GPR63: variants seen among roughly 807,000 people sequenced by gnomAD.
The protein encoded by GPR63 is G protein-coupled receptor 63, also known as probable G protein-coupled receptor 63.
A neutral mutation model predicts 23.1 loss-of-function variants in GPR63; 12 were observed. The observed-to-expected ratio is 0.52, with a 90% CI of 0.33 to 0.84. The LOEUF is 0.84. Among genes scored for constraint, GPR63 ranks in the 40% least tolerant of loss-of-function variants. GPR63 has a pLI of 0.02. For missense variants in GPR63, 472 were observed against 515.6 expected (o/e 0.92, Z 0.82); for synonymous variants, 172 against 191.1 (o/e 0.90, Z 0.82).
At position 96,837,312 on chromosome 6, in the gene GPR63, G is replaced by A. The variant is rs918909916; in HGVS notation, c.-195C>T. The A allele has an allele frequency of 6.6e-6, 1 of 152,462 alleles. No individual in the cohort carries two copies. The highest frequency in any genetic ancestry group is 2.4e-5 in the African/African-American group (1 of 41,466). The allele number at this position is 152,462 out of a possible 1,614,324, so 9.4% of individuals were successfully genotyped here. A position where few individuals can be genotyped will look rare whatever the true frequency, so the allele number is the denominator to read the frequency against. On this transcript the variant is annotated 5_prime_UTR_variant, in exon 1 of 2. Transcript: ENST00000229955. ...GCGGGCGCCCGCGGAAGAGCCCAGG[G>A]AGCATGGCTCCATGTAGTCCCTCCC... is the stretch of plus-strand genomic sequence containing the variant.
rs1489538686 is a variant in GPR63 at position 96,798,337 on chromosome 6, ATT to A, written c.*133_*134del. ...TCTTGGTAACAGAACTATAATTACC[ATT>A]CTTTCTTTACACTGCTCACACACAT... On this transcript the variant is annotated 3_prime_UTR_variant, in exon 2 of 2. Transcript: ENST00000229955. 2 of 810,528 alleles carry A rather than the reference ATT, an allele frequency of 2.5e-6. No individual in the cohort carries two copies. Among genetic ancestry groups the A allele is most frequent in the African/African-American group, 3.5e-5 (2 of 57,806 alleles). The allele number at this position is 810,528 out of a possible 1,614,324, so 50.2% of individuals were successfully genotyped here.
chr6:96,826,425 T>C (rs1774440233), intron 1 of GPR63, among the ~76,000 whole-genome samples: 2 of 152,162 alleles, frequency 1.3e-5, no homozygotes, highest in Admixed American at 6.5e-5. Flanking sequence ...AAATTTCTAA[T>C]TTATTAACAA....
chr6:96,817,107 C>G (rs775470878), intron 1 of GPR63, among the ~76,000 whole-genome samples: 8 of 151,938 alleles, frequency 5.3e-5, no homozygotes, highest in Non-Finnish European at 1.2e-4. Context: ...AAGGACTCAT[C>G]CTTTGAATAT....
chr6:96,819,352 A>G (rs1297517307), intron 1 of GPR63, among the ~76,000 whole-genome samples: 1 of 152,320 alleles, frequency 6.6e-6, no homozygotes, highest in East Asian at 1.9e-4. Flanking sequence ...AAAATGAATG[A>G]GTTTATGTCC....
At chr6:96,808,742 T>G (rs1428320173) in intron 1 of GPR63, among the ~76,000 whole-genome samples, 2 of 152,172 alleles carry the variant, frequency 1.3e-5, no homozygotes, top group Non-Finnish European at 2.9e-5. Flanking sequence ...TGAACTCCAG[T>G]CAACTAAACA....
chr6:96,807,343 A>G (rs1345691858), intron 1 of GPR63, among the ~76,000 whole-genome samples: 1 of 152,258 alleles, frequency 6.6e-6, no homozygotes, highest in Non-Finnish European at 1.5e-5. Flanking sequence ...TAGCCACTGG[A>G]TACTCACTGT....
At chr6:96,800,051 T>C (rs1189550014) in intron 1 of GPR63, among the ~76,000 whole-genome samples, 170 bp from the exon 2 acceptor site, 2 of 152,254 alleles carry the variant, frequency 1.3e-5, no homozygotes, top group African/African-American at 4.8e-5. Flanking sequence ...TGTTATTTTA[T>C]CTTTAGTCAA....
intron 1 of GPR63, among the ~76,000 whole-genome samples, chr6:96,835,710 G>C (rs6568628): frequency 0.36 from 54,750 of 151,856 alleles, 10,431 homozygotes; most frequent in African/African-American, 0.48. Context: ...TTCTTTTTTT[G>C]AGTTTCGGTA....
rs1434207626 is a variant in GPR63, at chr6:96,797,419, T to C, written c.*1053A>G. On this transcript the variant is annotated 3_prime_UTR_variant, in exon 2 of 2. Transcript: ENST00000229955. Reference sequence around the variant, plus strand: ...TGACATCTAAACTGAATGAACTGTCTGCGTGGCACAGTGGAACAGCGCAGT... The same window carrying C: ...TGACATCTAAACTGAATGAACTGTCCGCGTGGCACAGTGGAACAGCGCAGT... 1 of 152,222 alleles carries C rather than the reference T, an allele frequency of 6.6e-6. No homozygotes were observed. Among genetic ancestry groups the C allele is most frequent in the African/African-American group, 2.4e-5 (1 of 41,460 alleles). The allele number at this position is 152,222 out of a possible 1,614,324, so 9.4% of individuals were successfully genotyped here.
intron 1 of GPR63, among the ~76,000 whole-genome samples, chr6:96,831,863 G>A (rs1207971914): frequency 2.0e-5 from 3 of 151,598 alleles, no homozygotes; most frequent in South Asian, 2.1e-4. Flanking sequence ...CCGAGATCGC[G>A]CCACTGCATT....
Position 96,797,150 on chromosome 6 carries a change from G to C in GPR63, c.*1322C>G, listed in dbSNP as rs1179753300. 6.6e-6 allele frequency: 1 copy of C among 152,138 alleles called. No individual in the cohort carries two copies. The highest frequency in any genetic ancestry group is 1.9e-4 in the East Asian group (1 of 5,184). 9.4% of individuals were successfully genotyped at this position (152,138 alleles called of 1,614,324 possible). On this transcript the variant is annotated 3_prime_UTR_variant, in exon 2 of 2. Coordinates refer to ENST00000229955, the MANE Select transcript of GPR63 (RefSeq NM_030784.4). Reference sequence around the variant, plus strand: ...GGAGGCTGAGACAGGAGGATTACCTGAGCCTGGGAGGTTGAGGCTACAATG... The same window carrying C: ...GGAGGCTGAGACAGGAGGATTACCTCAGCCTGGGAGGTTGAGGCTACAATG...
intron 1 of GPR63, 76 bp from the exon 2 acceptor site, chr6:96,799,957 T>A: frequency 3.5e-6 from 2 of 569,002 alleles, no homozygotes; most frequent in South Asian, 4.3e-5. Flanking sequence ...AGGGCTGCCT[T>A]TCATCATGAA....
chr6:96,832,637 G>C (rs1774617282), intron 1 of GPR63, among the ~76,000 whole-genome samples: 1 of 151,974 alleles, frequency 6.6e-6, no homozygotes, highest in Non-Finnish European at 1.5e-5. Flanking sequence ...TATATCATGA[G>C]GGTGGAGGGT....
chr6:96,805,077 T>G (rs997998876), intron 1 of GPR63, among the ~76,000 whole-genome samples: 1 of 152,196 alleles, frequency 6.6e-6, no homozygotes, highest in Non-Finnish European at 1.5e-5. Context: ...TATAAATTTG[T>G]TGGCATTTAA....
chr6:96,819,893 G>C (rs58130938), intron 1 of GPR63, among the ~76,000 whole-genome samples: 3 of 148,792 alleles, frequency 2.0e-5, no homozygotes, highest in Non-Finnish European at 4.5e-5. Flanking sequence ...GGAGAATGGC[G>C]TCGACCCGGG....
intron 1 of GPR63, among the ~76,000 whole-genome samples, chr6:96,806,382 T>C (rs1582253001): frequency 6.6e-6 from 1 of 152,080 alleles, no homozygotes; most frequent in Non-Finnish European, 1.5e-5. Context: ...TGCACCTCAT[T>C]TGGGTATGTT....
intron 1 of GPR63, among the ~76,000 whole-genome samples, chr6:96,806,105 T>C (rs1043084157): frequency 2.6e-5 from 4 of 152,354 alleles, no homozygotes; most frequent in Non-Finnish European, 5.9e-5. Flanking sequence ...CACAGGGACC[T>C]TGGTTGTACT....
chr6:96,818,706 T>C (rs1315152378), intron 1 of GPR63, among the ~76,000 whole-genome samples: 1 of 152,148 alleles, frequency 6.6e-6, no homozygotes, highest in Non-Finnish European at 1.5e-5. Context: ...GAAGAGAACA[T>C]ATCAAAATAT....
intron 1 of GPR63, among the ~76,000 whole-genome samples, chr6:96,822,984 C>T (rs1340198635): frequency 1.3e-5 from 2 of 152,134 alleles, no homozygotes; most frequent in Non-Finnish European, 2.9e-5. Context: ...ATTCCTATCA[C>T]CTAATGACAT....
Sources: allele counts gnomAD v4.1 joint callset (sites outside exome capture counted in the v4.1 genomes callset), GRCh38; gene constraint gnomAD v4.1.1; transcripts MANE v1.5; gene names NCBI Gene and HGNC (gene_info 2026-07-23, HGNC 2026-07-21).